KRT7: variants seen among roughly 807,000 people sequenced by gnomAD.
KRT7 encodes the protein keratin 7, also known as keratin, type II cytoskeletal 7.
A neutral mutation model predicts 42.8 loss-of-function variants in KRT7; 50 were observed. The observed-to-expected ratio is 1.17, with a 90% confidence interval of 0.93 to 1.48. KRT7 has a LOEUF of 1.48. KRT7 is among the 40% of genes most tolerant of loss of function. The pLI is 0.00. For missense variants in KRT7, 588 were observed against 637.6 expected, an observed-to-expected ratio of 0.92 and a Z score of 0.84; for synonymous variants, 268 against 266.3, an observed-to-expected ratio of 1.01 and a Z score of -0.06.
At position 52,248,216 on chromosome 12, in the gene KRT7, G is replaced by C. The variant is rs377393697; in HGVS notation, c.1240+5G>C. 1.2e-6 allele frequency: 2 copies of C among 1,613,886 alleles called. No individual in the cohort carries two copies. The highest frequency in any genetic ancestry group is 1.7e-6 in the Non-Finnish European group (2 of 1,179,950). On this transcript the variant is annotated splice_donor_5th_base_variant and intron_variant, in intron 8 of 8. Transcript: ENST00000331817. Reference sequence around the variant, plus strand: ...GAGTGGGAGCCGTGAATATCTGTAAGTCCTTGGCTGCGGCCCATGGGAAGC... The same window carrying C: ...GAGTGGGAGCCGTGAATATCTGTAACTCCTTGGCTGCGGCCCATGGGAAGC...
downstream of KRT7, chr12:52,251,857 A>G (rs1378671199): frequency 1.1e-5 from 4 of 375,826 alleles, no homozygotes; most frequent in Non-Finnish European, 2.1e-5. Context: ...GCTTCCTTCA[A>G]GTATTGCCTT....
chr12:52,240,661 A>C (rs980177394), intron 4 of KRT7, among the ~76,000 whole-genome samples: 1 of 152,092 alleles, frequency 6.6e-6, no homozygotes, highest in African/African-American at 2.4e-5. Context: ...AAAATGGATT[A>C]CTTATACCCA....
At chr12:52,243,172 G>T in intron 6 of KRT7, 35 bp downstream of exon 6, 1 of 1,582,640 alleles carries the variant, frequency 6.3e-7, no homozygotes. Flanking sequence ...CCTGCTACTT[G>T]GGGCATGCAG....
chr12:52,248,612 G>T lies in KRT7; in HGVS notation c.1262G>T (p.Gly421Val). 2 of 1,593,670 alleles carry T rather than the reference G, an allele frequency of 1.3e-6. No homozygotes were observed. The highest frequency in any genetic ancestry group is 1.7e-6 in the Non-Finnish European group (2 of 1,171,012). Residue 421 changes from glycine (G) to valine (V), a missense_variant, in exon 9 of 9, where the codon GGC becomes GTC. Coordinates refer to ENST00000331817, the MANE Select transcript of KRT7 (RefSeq NM_005556.4). ...CCAGCTGTGATGAATTCCACTGGTGGCAGTAGCAGTGGCGGTGGCATTGGG... is the reference window on the plus strand; with the variant it reads ...CCAGCTGTGATGAATTCCACTGGTGTCAGTAGCAGTGGCGGTGGCATTGGG... The part of the protein sequence containing the change: ...VNISVMNSTG[G>V]SSSGGGIGLT...
chr12:52,241,848 A>G, intron 5 of KRT7: 1 of 458,058 alleles, frequency 2.2e-6, no homozygotes, highest in Non-Finnish European at 3.9e-6. Flanking sequence ...TATAATAGCT[A>G]AAATATGGCA....
intron 6 of KRT7, chr12:52,244,621 G>A: frequency 4.1e-6 from 4 of 985,998 alleles, no homozygotes; most frequent in Non-Finnish European, 4.8e-6. Flanking sequence ...GGTAAGAAGG[G>A]AGAGAAGTCC....
chr12:52,238,831 C>T, intron 4 of KRT7, 56 bp downstream of exon 4: 2 of 1,108,946 alleles, frequency 1.8e-6, no homozygotes, highest in Non-Finnish European at 2.7e-6. Flanking sequence ...AACCAGGGAG[C>T]CATCTGGTCC....
intron 4 of KRT7, among the ~76,000 whole-genome samples, chr12:52,240,933 G>A (rs372964585): frequency 2.1e-4 from 13 of 62,992 alleles, no homozygotes; most frequent in South Asian, 1.3e-3. Flanking sequence ...CTCCCCCCAC[G>A]CCCCCGACAG....
downstream of KRT7, chr12:52,253,471 A>T: frequency 6.5e-7 from 1 of 1,538,186 alleles, no homozygotes; most frequent in Non-Finnish European, 8.9e-7. Context: ...TGCTACCCCA[A>T]CCTCAGAGAG....
chr12:52,242,555 A>T (rs958124690), intron 5 of KRT7, among the ~76,000 whole-genome samples: 2 of 152,150 alleles, frequency 1.3e-5, no homozygotes, highest in African/African-American at 4.8e-5. Flanking sequence ...AGAGTCATTC[A>T]TGGTGCCTGG....
At chr12:52,242,515 G>A (rs570544272) in intron 5 of KRT7, among the ~76,000 whole-genome samples, 1 of 152,152 alleles carries the variant, frequency 6.6e-6, no homozygotes, top group South Asian at 2.1e-4. Flanking sequence ...CCCGAGGCAA[G>A]GATTGAGAGG....
At chr12:52,253,359 A>G (rs1459363203), downstream of KRT7, 2 of 1,611,418 alleles carry the variant, frequency 1.2e-6, no homozygotes, top group Admixed American at 3.3e-5. Context: ...AGAGTTGCTT[A>G]TGAGGCTCAG....
chr12:52,255,482 T>C (rs79651151), downstream of KRT7: 20,940 of 453,706 alleles, frequency 0.046, 832 homozygotes, highest in South Asian at 0.13. Context: ...GGCAAACACA[T>C]TCCGGGAACT....
intron 5 of KRT7, 42 bp from the exon 6 acceptor site, chr12:52,242,970 C>A (rs375298046): frequency 6.9e-5 from 109 of 1,578,114 alleles, no homozygotes; most frequent in Non-Finnish European, 8.9e-5. Context: ...CCTGTACTCA[C>A]TGCCCATCTC....
At chr12:52,236,817 C>T (rs909207748) in intron 2 of KRT7, among the ~76,000 whole-genome samples, 1 of 152,178 alleles carries the variant, frequency 6.6e-6, no homozygotes, top group Non-Finnish European at 1.5e-5. Context: ...TGCCCAGGTC[C>T]TCCTAAGGGC....
chr12:52,243,310 G>GC, intron 6 of KRT7, 173 bp downstream of exon 6: 1 of 738,838 alleles, frequency 1.4e-6, no homozygotes, highest in Non-Finnish European at 2.1e-6. Context: ...CCAGGTCCTG[G>GC]CATGGGCTGA....
intron 6 of KRT7, 21 bp from the exon 7 acceptor site, chr12:52,245,391 C>T (rs1450981889): frequency 1.9e-6 from 3 of 1,611,668 alleles, no homozygotes; most frequent in Non-Finnish European, 2.5e-6. Flanking sequence ...CCCCAGCTTA[C>T]AGCTGCACTG....
At position 52,235,138 on chromosome 12, in the gene KRT7, CTTCTCGCCCG is replaced by C; in HGVS notation, c.325-12_325-3del. ...GCTCTGGCTCCTCTTGAGTTTCCTCCTTCTCGCCCGTTCTAGGTGCGGTTTCTGGAGCAGC... is the reference window on the plus strand; with the variant it reads ...GCTCTGGCTCCTCTTGAGTTTCCTCCTTCTAGGTGCGGTTTCTGGAGCAGC... On this transcript the variant is annotated splice_polypyrimidine_tract_variant and splice_region_variant and intron_variant, in intron 1 of 8. Transcript: ENST00000331817. 1.9e-6 allele frequency: 3 copies of C among 1,613,308 alleles called. No individual in the cohort carries two copies. Among genetic ancestry groups the C allele is most frequent in the Non-Finnish European group, 2.5e-6 (3 of 1,179,526 alleles).
chr12:52,244,161 AG>A (rs1249762608), intron 6 of KRT7, among the ~76,000 whole-genome samples: 1 of 152,196 alleles, frequency 6.6e-6, no homozygotes, highest in African/African-American at 2.4e-5. Context: ...GGGGGATGTG[AG>A]GGTGATTTAC....
Sources: gnomAD v4.1 joint callset for allele counts (sites outside exome capture counted in the v4.1 genomes callset) on GRCh38, gnomAD v4.1.1 for gene constraint, MANE v1.5 for transcripts, NCBI Gene and HGNC (gene_info 2026-07-23, HGNC 2026-07-21) for gene names.